Variants in SKAP2 observed in about 807,000 individuals in gnomAD.
SKAP2 encodes the protein src kinase associated phosphoprotein 2, also known as src kinase-associated phosphoprotein 2.
In SKAP2, 28 loss-of-function variants were observed where a neutral mutation model predicts 54.9. The observed-to-expected ratio is 0.51, with a 90% CI of 0.38 to 0.70. The LOEUF (loss-of-function observed/expected upper bound fraction) is 0.70, where lower values mean the gene tolerates loss of function less well. Among genes scored for constraint, SKAP2 ranks in the 30% least tolerant of loss-of-function variants. SKAP2 has a pLI of 0.00. For missense variants in SKAP2, 356 were observed against 424.1 expected (o/e 0.84, Z 1.41); for synonymous variants, 137 against 134.3 (o/e 1.02, Z -0.14).
chr7:26,795,985 AAAAAC>A (rs1256461001), intron 4 of SKAP2, among the ~76,000 whole-genome samples: 176 of 152,326 alleles, frequency 1.2e-3, no homozygotes, highest in Admixed American at 3.5e-3. Context: ...GACAATTTGA[AAAAAC>A]TCAGAGATGA....
At chr7:26,695,020 C>T (rs138129346) in intron 9 of SKAP2, among the ~76,000 whole-genome samples, 1 of 152,096 alleles carries the variant, frequency 6.6e-6, no homozygotes, top group East Asian at 1.9e-4. Flanking sequence ...GCTGACACTG[C>T]TTGAAAAAAG....
At chr7:26,774,837 T>C (rs752210559) in intron 4 of SKAP2, among the ~76,000 whole-genome samples, 5 of 152,172 alleles carry the variant, frequency 3.3e-5, no homozygotes, top group African/African-American at 4.8e-5. Flanking sequence ...TTTTGAGTTA[T>C]CAGACTACAA....
chr7:26,818,192 A>G (rs1358143328), intron 4 of SKAP2, among the ~76,000 whole-genome samples: 1 of 152,200 alleles, frequency 6.6e-6, no homozygotes, highest in African/African-American at 2.4e-5. Flanking sequence ...AAACTATACT[A>G]CAAGGCTACA....
chr7:26,707,320 A>G (rs939237878), intron 9 of SKAP2, among the ~76,000 whole-genome samples: 2 of 151,984 alleles, frequency 1.3e-5, no homozygotes, highest in African/African-American at 4.8e-5. Context: ...AGATCACACC[A>G]CTGCACTCCA....
intron 4 of SKAP2, among the ~76,000 whole-genome samples, chr7:26,742,831 A>G (rs1314144059): frequency 3.9e-5 from 6 of 152,168 alleles, no homozygotes; most frequent in Non-Finnish European, 7.4e-5. Flanking sequence ...TATGGACAAT[A>G]CTTTCTGATG....
At chr7:26,681,464 AAAC>A (rs2128086207) in intron 11 of SKAP2, among the ~76,000 whole-genome samples, 1 of 152,270 alleles carries the variant, frequency 6.6e-6, no homozygotes, top group South Asian at 2.1e-4. Flanking sequence ...AACAAACAAA[AAAC>A]AAAATTAAAA....
intron 4 of SKAP2, among the ~76,000 whole-genome samples, chr7:26,837,510 T>C (rs996757330): frequency 6.7e-6 from 1 of 149,444 alleles, no homozygotes; most frequent in African/African-American, 2.5e-5. Context: ...GAGAGTGGGG[T>C]TGGGAGGTGC....
chr7:26,751,447 GT>G (rs1782679611), intron 4 of SKAP2, among the ~76,000 whole-genome samples: 1 of 152,042 alleles, frequency 6.6e-6, no homozygotes, highest in African/African-American at 2.4e-5. Flanking sequence ...ACGCAAATAC[GT>G]TCCCAAACAT....
downstream of SKAP2, among the ~76,000 whole-genome samples, chr7:26,665,515 C>T (rs1786090662): frequency 6.6e-6 from 1 of 151,938 alleles, no homozygotes; most frequent in African/African-American, 2.4e-5. Context: ...GGTGCCAAAT[C>T]AGTTAATTAA....
At chr7:26,850,437 C>A (rs1352009489) in intron 3 of SKAP2, among the ~76,000 whole-genome samples, 1 of 151,714 alleles carries the variant, frequency 6.6e-6, no homozygotes, top group Non-Finnish European at 1.5e-5. Flanking sequence ...AATACACAGG[C>A]AGCGTACCTA....
At chr7:26,745,822 C>A (rs1233261049) in intron 4 of SKAP2, among the ~76,000 whole-genome samples, 1 of 151,930 alleles carries the variant, frequency 6.6e-6, no homozygotes, top group Non-Finnish European at 1.5e-5. Flanking sequence ...GATAATAGAC[C>A]CATTTTTTAA....
At chr7:26,779,915 ACTAAG>A (rs374937590) in intron 4 of SKAP2, among the ~76,000 whole-genome samples, 69 of 152,198 alleles carry the variant, frequency 4.5e-4, no homozygotes, top group African/African-American at 1.6e-3. Flanking sequence ...ACCTGCACTG[ACTAAG>A]CTCTTATGTA....
intron 4 of SKAP2, among the ~76,000 whole-genome samples, chr7:26,745,463 G>A (rs1026957899): frequency 1.4e-4 from 22 of 152,180 alleles, no homozygotes; most frequent in Admixed American, 2.6e-4. Flanking sequence ...TAATAGTTGG[G>A]ATACTGAGTT....
rs915401422 is a variant in SKAP2, at chr7:26,668,665, T to TTG, written c.*1000_*1001insCA. 6.0e-5 allele frequency: 9 copies of TTG among 149,628 alleles called. No individual in the cohort carries two copies. Among genetic ancestry groups the TTG allele is most frequent in the African/African-American group, 2.2e-4 (9 of 40,508 alleles). 9.3% of individuals were successfully genotyped at this position (149,628 alleles called of 1,614,324 possible). On this transcript the variant is annotated 3_prime_UTR_variant, in exon 13 of 13. Transcript: ENST00000345317. ...TTTGAGAATACACTGAGATTCTGTT[T>TTG]TTTTTTTTTTTTTTTTCTGAGATGG... is the stretch of plus-strand genomic sequence containing the variant.
chr7:26,767,905 T>C (rs1008472181), intron 4 of SKAP2, among the ~76,000 whole-genome samples: 4 of 152,218 alleles, frequency 2.6e-5, no homozygotes, highest in East Asian at 1.9e-4. Context: ...TTAGAATAAG[T>C]GCAATGTGGT....
intron 11 of SKAP2, among the ~76,000 whole-genome samples, chr7:26,671,158 T>C (rs1786228481): frequency 6.6e-6 from 1 of 152,138 alleles, no homozygotes; most frequent in Non-Finnish European, 1.5e-5. Context: ...AATTTATTTA[T>C]GTGTAGTGAG....
chr7:26,862,888 AATAATG>A (rs1785298225), intron 1 of SKAP2, among the ~76,000 whole-genome samples: 1 of 152,144 alleles, frequency 6.6e-6, no homozygotes, highest in African/African-American at 2.4e-5. Context: ...CTATTTTTGG[AATAATG>A]ATAAACATTT....
At chr7:26,729,946 T>C (rs1448082265) in intron 6 of SKAP2, among the ~76,000 whole-genome samples, 1 of 152,218 alleles carries the variant, frequency 6.6e-6, no homozygotes, top group Non-Finnish European at 1.5e-5. Flanking sequence ...CCTATCCAAC[T>C]GATTGTTTGT....
intron 4 of SKAP2, among the ~76,000 whole-genome samples, chr7:26,807,352 G>T (rs917432945): frequency 6.6e-6 from 1 of 152,020 alleles, no homozygotes; most frequent in Non-Finnish European, 1.5e-5. Context: ...TCGGGGAAGT[G>T]GGGGTTCCCC....
Sources: gnomAD v4.1 joint callset for allele counts (sites outside exome capture counted in the v4.1 genomes callset) on GRCh38, gnomAD v4.1.1 for gene constraint, MANE v1.5 for transcripts, NCBI Gene and HGNC (gene_info 2026-07-23, HGNC 2026-07-21) for gene names.